The following TSHR variants were observed in gnomAD, a reference collection of about 807,000 sequenced individuals.
The protein encoded by TSHR is thyrotropin receptor.
A neutral mutation model predicts 64.1 loss-of-function variants in TSHR; 51 were observed. That is an observed-to-expected ratio of 0.80 (90% CI 0.64 to 1.01). The LOEUF (loss-of-function observed/expected upper bound fraction) is 1.01. Ranked by LOEUF, TSHR falls within the 50% of genes least tolerant of loss-of-function variation. The pLI is 0.00. For missense variants in TSHR, 877 were observed against 942.8 expected (o/e 0.93, Z 0.91); for synonymous variants, 361 against 361.9 (o/e 1.00, Z 0.03).
intron 8 of TSHR, among the ~76,000 whole-genome samples, chr14:81,123,120 C>T (rs546443279): frequency 7.7e-6 from 1 of 129,092 alleles, no homozygotes; most frequent in South Asian, 2.7e-4. Flanking sequence ...GAGCAAGACT[C>T]CGTCTAAGAA....
At chr14:81,010,929 A>G (rs192932106) in intron 1 of TSHR, among the ~76,000 whole-genome samples, 49 of 151,486 alleles carry the variant, frequency 3.2e-4, no homozygotes, top group African/African-American at 1.1e-3. Context: ...TGAGAACTCC[A>G]TTACGGACAT....
At chr14:80,973,145 C>G (rs1887661675) in intron 1 of TSHR, among the ~76,000 whole-genome samples, 1 of 152,072 alleles carries the variant, frequency 6.6e-6, no homozygotes, top group Admixed American at 6.5e-5. Context: ...GTGGCTCACG[C>G]CTGTAATCCC....
chr14:80,999,123 C>A (rs577015535), intron 1 of TSHR, among the ~76,000 whole-genome samples: 1 of 152,146 alleles, frequency 6.6e-6, no homozygotes, highest in Non-Finnish European at 1.5e-5. Flanking sequence ...ACTTGGATAT[C>A]GTGTACTTTA....
At chr14:81,074,750 C>T (rs748660129) in intron 3 of TSHR, among the ~76,000 whole-genome samples, 22 of 151,888 alleles carry the variant, frequency 1.4e-4, no homozygotes, top group Non-Finnish European at 2.5e-4. Context: ...AGTAAAATAA[C>T]ATAATGTTAT....
Position 81,032,869 on chromosome 14 carries a change from A to G in TSHR, c.171-29279A>G, listed in dbSNP as rs111639199. 2.6e-3 allele frequency: 973 copies of G among 372,512 alleles called. 3 individuals are homozygous for G. The highest frequency in any genetic ancestry group is 0.019 in the African/African-American group (860 of 45,962). The allele number at this position is 372,512 out of a possible 1,614,324, so 23.1% of individuals were successfully genotyped here. ...CTGGAGGCTAGTGACTGTGATCAAC[A>G]GCAGAACTCACCTACACTAGAAAGG... On this transcript the variant is annotated intron_variant, in intron 1 of 9. Coordinates refer to ENST00000298171, the MANE Select transcript of TSHR (RefSeq NM_000369.5).
At chr14:81,142,041 T>C (rs1031133782) in intron 9 of TSHR, among the ~76,000 whole-genome samples, 2 of 152,100 alleles carry the variant, frequency 1.3e-5, no homozygotes, top group Non-Finnish European at 2.9e-5. Flanking sequence ...AGCTAGTCAA[T>C]AATTGAGCCA....
chr14:81,082,271 G>A (rs1442631413), intron 3 of TSHR, among the ~76,000 whole-genome samples: 1 of 152,240 alleles, frequency 6.6e-6, no homozygotes, highest in Admixed American at 6.5e-5. Context: ...AACTACAGCT[G>A]CCTGGGCACC....
chr14:81,032,916 A>G (rs1884423056), intron 1 of TSHR: 2 of 358,156 alleles, frequency 5.6e-6, no homozygotes. Flanking sequence ...GAGGAATTCC[A>G]TGAGCTGAAC....
chr14:80,956,956 C>T lies in TSHR; in HGVS notation c.170+1106C>T, dbSNP rs113428687. Among the ~76,000 whole-genome samples, 517 of 152,306 alleles carry T rather than the reference C, an allele frequency of 3.4e-3. 6 individuals carry two copies. Among genetic ancestry groups the T allele is most frequent in the African/African-American group, 0.012 (501 of 41,568 alleles). On this transcript the variant is annotated intron_variant, in intron 1 of 9. Transcript: ENST00000298171. Reference sequence around the variant, plus strand: ...AAAAGGTGTAATGGCCTCTTGATTACACCTCTACATAGGTTGCTTGTCACC... The same window carrying T: ...AAAAGGTGTAATGGCCTCTTGATTATACCTCTACATAGGTTGCTTGTCACC...
At chr14:80,982,462 T>C in intron 1 of TSHR, 2 of 1,133,200 alleles carry the variant, frequency 1.8e-6, no homozygotes, top group Non-Finnish European at 2.4e-6. Flanking sequence ...TGGGGCCAGT[T>C]GCAAACCTAG....
chr14:81,040,948 TA>T (rs202062645), intron 1 of TSHR, among the ~76,000 whole-genome samples: 2,398 of 152,104 alleles, frequency 0.016, 61 homozygotes, highest in African/African-American at 0.054. Flanking sequence ...AAATGGAAAT[TA>T]AAACCACAAT....
chr14:81,079,252 T>C (rs1595066068), intron 3 of TSHR, among the ~76,000 whole-genome samples: 1 of 152,294 alleles, frequency 6.6e-6, no homozygotes, highest in East Asian at 1.9e-4. Flanking sequence ...ACTTTCTCTA[T>C]AAGAAAGTCA....
At chr14:80,971,793 T>C (rs1052374187) in intron 1 of TSHR, among the ~76,000 whole-genome samples, 3 of 152,216 alleles carry the variant, frequency 2.0e-5, no homozygotes, top group African/African-American at 7.2e-5. Flanking sequence ...CTTGGATTTC[T>C]GTTTACCAGT....
intron 3 of TSHR, among the ~76,000 whole-genome samples, chr14:81,073,636 T>G (rs1366410601): frequency 6.6e-6 from 1 of 152,070 alleles, no homozygotes. Flanking sequence ...TAAATGATAA[T>G]AAAAATATGA....
At chr14:80,976,132 C>G (rs1887860621) in intron 1 of TSHR, among the ~76,000 whole-genome samples, 1 of 152,150 alleles carries the variant, frequency 6.6e-6, no homozygotes, top group African/African-American at 2.4e-5. Context: ...AGGATGGTCT[C>G]CATCTCCTGA....
At chr14:80,974,137 G>A (rs1887743999) in intron 1 of TSHR, among the ~76,000 whole-genome samples, 1 of 152,208 alleles carries the variant, frequency 6.6e-6, no homozygotes, top group Non-Finnish European at 1.5e-5. Context: ...TGCGGTGGTA[G>A]GTCTGAGAGC....
chr14:80,999,640 A>G (rs7154106), intron 1 of TSHR, among the ~76,000 whole-genome samples: 20,609 of 152,136 alleles, frequency 0.14, 1,729 homozygotes, highest in East Asian at 0.38. Flanking sequence ...CATTAACATT[A>G]CCAGATAGGA....
intron 1 of TSHR, among the ~76,000 whole-genome samples, chr14:80,960,995 C>T (rs1886992782): frequency 6.6e-6 from 1 of 152,214 alleles, no homozygotes; most frequent in South Asian, 2.1e-4. Context: ...GAGTAGTATC[C>T]TGTATGGGAG....
chr14:80,972,596 T>C (rs542273734), intron 1 of TSHR, among the ~76,000 whole-genome samples: 3 of 152,158 alleles, frequency 2.0e-5, no homozygotes, highest in Non-Finnish European at 4.4e-5. Flanking sequence ...CCTCCTCCTC[T>C]CTCAGTTGAT....
Sources: gnomAD v4.1 joint callset for allele counts (sites outside exome capture counted in the v4.1 genomes callset) on GRCh38, gnomAD v4.1.1 for gene constraint, MANE v1.5 for transcripts, NCBI Gene and HGNC (gene_info 2026-07-23, HGNC 2026-07-21) for gene names.